LHFPL3: variants seen among roughly 807,000 people sequenced by gnomAD.
LHFPL3 encodes the protein LHFPL tetraspan subfamily member 3 protein.
Under a neutral mutation model 19.3 loss-of-function variants are expected in LHFPL3, and 5 were observed. The observed-to-expected ratio is 0.26, with a 90% CI of 0.14 to 0.54. LHFPL3 has a LOEUF of 0.54. Ranked by LOEUF, LHFPL3 falls within the 20% of genes least tolerant of loss-of-function variation. The pLI, the probability that LHFPL3 is intolerant of heterozygous loss-of-function variation, is 0.94. For missense variants in LHFPL3, 249 were observed against 307.4 expected (o/e 0.81, Z 1.42); for synonymous variants, 133 against 126.2 (o/e 1.05, Z -0.36).
At chr7:104,645,210 C>G (rs1029638297) in intron 1 of LHFPL3, among the ~76,000 whole-genome samples, 3 of 152,124 alleles carry the variant, frequency 2.0e-5, no homozygotes, top group African/African-American at 7.2e-5. Context: ...ATGAGGCTGG[C>G]CATAAAAACA....
intron 2 of LHFPL3, among the ~76,000 whole-genome samples, chr7:104,882,832 C>T (rs1792082466): frequency 6.6e-6 from 1 of 152,160 alleles, no homozygotes; most frequent in Admixed American, 6.5e-5. Context: ...TTCTCTCCCA[C>T]AAGACTTCCT....
rs532920065 is a variant in LHFPL3, at chr7:104,859,288, C to A, written c.683-46899C>A. Reference sequence around the variant, plus strand: ...TCTCAAAAAAAAAAAAACAAAAAACCAAAATCTGTTATTCACATTTCTATT... The same window carrying A: ...TCTCAAAAAAAAAAAAACAAAAAACAAAAATCTGTTATTCACATTTCTATT... On this transcript the variant is annotated intron_variant, in intron 2 of 2. Coordinates refer to ENST00000424859, the MANE Select transcript of LHFPL3 (RefSeq NM_199000.3). Among the ~76,000 whole-genome samples the A allele has an allele frequency of 5.4e-4, 82 of 150,744 alleles. 1 individual carries two copies. The East Asian group carries it at 0.014, about 26-fold the overall frequency.
In LHFPL3 at chr7:104,407,234, C is replaced by G. The variant is rs531216264; in HGVS notation, c.445+78010C>G. 4.1e-4 allele frequency among the ~76,000 whole-genome samples: 62 copies of G among 152,310 alleles called. 1 individual carries two copies. The South Asian group carries it at 0.011, about 26-fold the overall frequency. On this transcript the variant is annotated intron_variant, in intron 1 of 2. Coordinates refer to ENST00000424859, the MANE Select transcript of LHFPL3 (RefSeq NM_199000.3). ...GTTGGTGAAGGATTGTAAAACATAA[C>G]CCCGTCTTTAACTATTTTTAAATTT...
At chr7:104,688,991 G>C (rs553378685) in intron 1 of LHFPL3, among the ~76,000 whole-genome samples, 2 of 152,170 alleles carry the variant, frequency 1.3e-5, no homozygotes, top group Non-Finnish European at 2.9e-5. Flanking sequence ...GTTAAAAAAA[G>C]TTCTAGTAGT....
chr7:104,389,726 A>G (rs1395503303), intron 1 of LHFPL3, among the ~76,000 whole-genome samples: 1 of 152,136 alleles, frequency 6.6e-6, no homozygotes, highest in Non-Finnish European at 1.5e-5. Context: ...TAGTTAATTG[A>G]TTTTCAACAG....
chr7:104,685,298 G>A (rs1162311239), intron 1 of LHFPL3, among the ~76,000 whole-genome samples: 2 of 152,208 alleles, frequency 1.3e-5, no homozygotes, highest in Admixed American at 1.3e-4. Flanking sequence ...AGTGAACCAA[G>A]ATCCCGCCAC....
At chr7:104,453,299 G>C (rs981917162) in intron 1 of LHFPL3, among the ~76,000 whole-genome samples, 2 of 151,210 alleles carry the variant, frequency 1.3e-5, no homozygotes, top group African/African-American at 4.9e-5. Flanking sequence ...GCACTAGGGG[G>C]AGATGGCGGG....
At position 104,779,095 on chromosome 7, in the gene LHFPL3, G is replaced by A. The variant is rs1794678806; in HGVS notation, c.682+42184G>A. Among the ~76,000 whole-genome samples the A allele has an allele frequency of 2.0e-5, 3 of 152,248 alleles. No individual in the cohort carries two copies. In the South Asian group the frequency reaches 6.2e-4, roughly 32 times the overall value. On this transcript the variant is annotated intron_variant, in intron 2 of 2. Transcript: ENST00000424859. Reference sequence around the variant, plus strand: ...GCTTCATGATGCAGAGCACACCCCTGCAGCCTGACTGACTACCTGCAAGAC... The same window carrying A: ...GCTTCATGATGCAGAGCACACCCCTACAGCCTGACTGACTACCTGCAAGAC...
At chr7:104,427,881 T>C (rs556340449) in intron 1 of LHFPL3, among the ~76,000 whole-genome samples, 5 of 152,236 alleles carry the variant, frequency 3.3e-5, no homozygotes, top group African/African-American at 1.2e-4. Context: ...GCATCAGTTT[T>C]TGCTGGTGAT....
intron 1 of LHFPL3, among the ~76,000 whole-genome samples, chr7:104,441,590 T>A (rs553779230): frequency 4.8e-4 from 73 of 152,290 alleles, no homozygotes; most frequent in Middle Eastern, 3.4e-3. Flanking sequence ...TTATTTATTT[T>A]TTTTGAGACA....
chr7:104,482,612 G>A (rs1300501603), intron 1 of LHFPL3, among the ~76,000 whole-genome samples: 3 of 152,146 alleles, frequency 2.0e-5, no homozygotes, highest in East Asian at 3.8e-4. Context: ...TTTCACAAAT[G>A]GAACTAAAAG....
rs1195783786 is a variant in LHFPL3 at position 104,471,091 on chromosome 7, C to T, written c.445+141867C>T. The stretch of plus-strand genomic sequence containing the variant: ...TTTCTCCCTTTAAACATGGAATTCT[C>T]GTGATTTTTTCATTTACCATATTAC... On this transcript the variant is annotated intron_variant, in intron 1 of 2. Transcript: ENST00000424859. Among the ~76,000 whole-genome samples the T allele has an allele frequency of 2.6e-5, 4 of 152,222 alleles. No homozygotes were observed. In the East Asian group the frequency reaches 5.8e-4, roughly 22 times the overall value.
chr7:104,382,170 C>T (rs1790841473), intron 1 of LHFPL3, among the ~76,000 whole-genome samples: 1 of 152,082 alleles, frequency 6.6e-6, no homozygotes, highest in Admixed American at 6.5e-5. Flanking sequence ...CAAAGTGTGC[C>T]CTCTGGACCA....
intron 2 of LHFPL3, among the ~76,000 whole-genome samples, chr7:104,890,503 C>G (rs912366260): frequency 6.6e-6 from 1 of 152,194 alleles, no homozygotes; most frequent in African/African-American, 2.4e-5. Context: ...TGTTTACATG[C>G]AGGGTCTGGA....
intron 1 of LHFPL3, among the ~76,000 whole-genome samples, chr7:104,361,262 T>C (rs1481934366): frequency 6.6e-6 from 1 of 152,186 alleles, no homozygotes; most frequent in Non-Finnish European, 1.5e-5. Context: ...GGTGGGAAAA[T>C]AGAATAACAT....
chr7:104,818,400 A>C (rs1428544626), intron 2 of LHFPL3, among the ~76,000 whole-genome samples: 3 of 151,904 alleles, frequency 2.0e-5, no homozygotes, highest in Admixed American at 6.6e-5. Flanking sequence ...AAAAAAAAAA[A>C]AAAACAGGCA....
In LHFPL3 at chr7:104,380,823, C is replaced by T. The variant is rs527380252; in HGVS notation, c.445+51599C>T. Among the ~76,000 whole-genome samples the T allele has an allele frequency of 9.2e-5, 14 of 152,184 alleles. No homozygotes were observed. The South Asian group carries it at 2.7e-3, about 29-fold the overall frequency. On this transcript the variant is annotated intron_variant, in intron 1 of 2. Coordinates refer to ENST00000424859, the MANE Select transcript of LHFPL3 (RefSeq NM_199000.3). ...TACTGAAAATTTACTTACAGGCATT[C>T]TTTAGCCAAGAAAGAAATTAATAAA...
intron 2 of LHFPL3, among the ~76,000 whole-genome samples, chr7:104,865,366 A>C (rs1197664546): frequency 6.6e-6 from 1 of 152,228 alleles, no homozygotes. Flanking sequence ...ATACCAGTGC[A>C]GAGAAGTCCT....
intron 2 of LHFPL3, among the ~76,000 whole-genome samples, chr7:104,777,019 G>A (rs544771639): frequency 1.8e-4 from 28 of 152,304 alleles, no homozygotes; most frequent in South Asian, 1.5e-3. Flanking sequence ...GTCATCTGGA[G>A]GGCACAGTCC....
Sources: allele counts gnomAD v4.1 joint callset (sites outside exome capture counted in the v4.1 genomes callset), GRCh38; gene constraint gnomAD v4.1.1; transcripts MANE v1.5; gene names NCBI Gene and HGNC (gene_info 2026-07-23, HGNC 2026-07-21).